GRK5: variants seen among roughly 807,000 people sequenced by gnomAD.
GRK5 encodes the protein g protein-coupled receptor kinase GRK5.
A neutral mutation model predicts 78.4 loss-of-function variants in GRK5; 40 were observed. That is an observed-to-expected ratio of 0.51 (90% CI 0.40 to 0.66). The LOEUF is 0.66. Ranked by LOEUF, GRK5 falls within the 30% of genes least tolerant of loss-of-function variation. The pLI, the probability that GRK5 is intolerant of heterozygous loss-of-function variation, is 0.00. For synonymous variants in GRK5, 289 were observed against 296.8 expected, an observed-to-expected ratio of 0.97 and a Z score of 0.27; for missense variants, 598 against 759.9, an observed-to-expected ratio of 0.79 and a Z score of 2.50.
At chr10:119,343,011 C>T (rs577917261) in intron 2 of GRK5, among the ~76,000 whole-genome samples, 10 of 152,308 alleles carry the variant, frequency 6.6e-5, no homozygotes, top group Admixed American at 2.0e-4. Flanking sequence ...TCAGCTTTCA[C>T]CCTGGGCAAG....
intron 2 of GRK5, among the ~76,000 whole-genome samples, chr10:119,344,604 C>A (rs944679377): frequency 6.6e-6 from 1 of 152,204 alleles, no homozygotes; most frequent in African/African-American, 2.4e-5. Flanking sequence ...TGCTGTCTGT[C>A]CTCTCTTTCC....
In GRK5 at chr10:119,456,515, G is replaced by A. The variant is rs11198932; in HGVS notation, c.*1448G>A. 10,158 of 152,214 alleles carry A rather than the reference G, an allele frequency of 0.067. 574 individuals are homozygous for A. The highest frequency in any genetic ancestry group is 0.29 in the East Asian group (1,521 of 5,172). 9.4% of individuals were successfully genotyped at this position (152,214 alleles called of 1,614,324 possible). A position where few individuals can be genotyped will look rare whatever the true frequency, so the allele number is the denominator to read the frequency against. On this transcript the variant is annotated 3_prime_UTR_variant, in exon 16 of 16. Transcript: ENST00000392870. This position sits in a 1 kb window ranked among gnomAD's most constrained non-coding sequence, Gnocchi z 5.5. Reference sequence around the variant, plus strand: ...AGGGGCCAATCTGCTCCCACCTCCCGTCCAGGACAGGGTGAACATTTGACC... The same window carrying A: ...AGGGGCCAATCTGCTCCCACCTCCCATCCAGGACAGGGTGAACATTTGACC...
chr10:119,449,130 T>G (rs1405228293), intron 13 of GRK5, among the ~76,000 whole-genome samples: 4 of 152,230 alleles, frequency 2.6e-5, no homozygotes, highest in Non-Finnish European at 5.9e-5. Context: ...AGAGAGCTCA[T>G]GTGCACCTCT....
rs1855080348 is a variant in GRK5, at chr10:119,253,279, A to G, written c.52+45310A>G. Among the ~76,000 whole-genome samples, 1 of 152,192 alleles carries G rather than the reference A, an allele frequency of 6.6e-6. No homozygotes were observed. The highest frequency in any genetic ancestry group is 2.1e-4 in the South Asian group (1 of 4,834). Reference sequence around the variant, plus strand: ...AAGGACAAGCAAGGAAGATTGGAGCATCTGTGAACTATCTCCAGTTCAGCA... The same window carrying G: ...AAGGACAAGCAAGGAAGATTGGAGCGTCTGTGAACTATCTCCAGTTCAGCA... On this transcript the variant is annotated intron_variant, in intron 1 of 15. Transcript: ENST00000392870. This position sits in a 1 kb window ranked among gnomAD's most constrained non-coding sequence, Gnocchi z 5.7.
chr10:119,395,453 G>A (rs928078373), intron 3 of GRK5, among the ~76,000 whole-genome samples: 8 of 152,204 alleles, frequency 5.3e-5, no homozygotes, highest in Non-Finnish European at 5.9e-5. Context: ...ATGGTGGGAC[G>A]CCTGGGGAGG....
intron 4 of GRK5, among the ~76,000 whole-genome samples, chr10:119,418,134 C>T (rs1010380917): frequency 9.9e-5 from 15 of 152,204 alleles, no homozygotes; most frequent in African/African-American, 3.1e-4. Context: ...TGGCCCAGTG[C>T]GGCCCCAGGT....
At chr10:119,354,914 A>G (rs145360967) in intron 2 of GRK5, among the ~76,000 whole-genome samples, 20 of 152,202 alleles carry the variant, frequency 1.3e-4, no homozygotes, top group African/African-American at 4.1e-4. Flanking sequence ...GAATGCATGG[A>G]TTTTGGTATC....
intron 3 of GRK5, among the ~76,000 whole-genome samples, chr10:119,395,826 G>A (rs1010614930): frequency 5.3e-5 from 8 of 152,056 alleles, no homozygotes; most frequent in African/African-American, 1.7e-4. Flanking sequence ...TTGGAGGTTC[G>A]AGTCCCAGCC....
intron 1 of GRK5, among the ~76,000 whole-genome samples, chr10:119,302,330 A>G (rs1042828656): frequency 1.3e-5 from 2 of 152,348 alleles, no homozygotes; most frequent in Admixed American, 6.5e-5. Flanking sequence ...ACAGGGTTAC[A>G]TCCTGCTTCC....
rs970004672 is a variant in GRK5 at position 119,264,637 on chromosome 10, C to T, written c.52+56668C>T. On this transcript the variant is annotated intron_variant, in intron 1 of 15. Coordinates refer to ENST00000392870, the MANE Select transcript of GRK5 (RefSeq NM_005308.3). The surrounding 1 kb of genome is among the most constrained non-coding windows in gnomAD (Gnocchi z 4.1). ...TTTTGTGTACACATCTGAAATTGAT[C>T]GTCATGGACAGGGGTTCACGTTCTG... 2.0e-5 allele frequency among the ~76,000 whole-genome samples: 3 copies of T among 152,154 alleles called. No homozygotes were observed. Among genetic ancestry groups the T allele is most frequent in the South Asian group, 2.1e-4 (1 of 4,822 alleles).
intron 12 of GRK5, 57 bp downstream of exon 12, chr10:119,443,809 T>C: frequency 2.8e-6 from 4 of 1,441,096 alleles, no homozygotes; most frequent in East Asian, 2.4e-5. Context: ...TCCCTGGGCC[T>C]GGCCCCAGTC....
At chr10:119,337,021 G>A (rs995682943) in intron 2 of GRK5, among the ~76,000 whole-genome samples, 5 of 152,186 alleles carry the variant, frequency 3.3e-5, no homozygotes, top group African/African-American at 1.2e-4. Context: ...TTCTTGTTTG[G>A]ACAGTCTTAG....
intron 4 of GRK5, among the ~76,000 whole-genome samples, chr10:119,410,348 C>T (rs1240080622): frequency 2.6e-5 from 4 of 152,184 alleles, no homozygotes; most frequent in Non-Finnish European, 5.9e-5. Flanking sequence ...AAGCGCACTT[C>T]TTCCTTATTT....
intron 1 of GRK5, among the ~76,000 whole-genome samples, chr10:119,273,922 T>A (rs1849625997): frequency 6.6e-6 from 1 of 152,146 alleles, no homozygotes; most frequent in East Asian, 1.9e-4. Flanking sequence ...TACAGGCACA[T>A]GCCACCACAC....
chr10:119,323,271 GTTCACCTAAATAATGGT>G (rs1166749505), intron 1 of GRK5, among the ~76,000 whole-genome samples: 1 of 152,224 alleles, frequency 6.6e-6, no homozygotes, highest in Non-Finnish European at 1.5e-5. Context: ...CAGCTGACTC[GTTCACCTAAATAATGGT>G]TAAACTGGTA....
chr10:119,453,142 C>T lies in GRK5; in HGVS notation c.1543-3C>T. ...CTGTGTTTTGTTTTCACGGCCCCTCCAGATGATAGAAACAGAATGCTTTAA... is the reference window on the plus strand; with the variant it reads ...CTGTGTTTTGTTTTCACGGCCCCTCTAGATGATAGAAACAGAATGCTTTAA... On this transcript the variant is annotated splice_polypyrimidine_tract_variant and splice_region_variant and intron_variant, in intron 14 of 15. Coordinates refer to ENST00000392870, the MANE Select transcript of GRK5 (RefSeq NM_005308.3). 6.6e-7 allele frequency: 1 copy of T among 1,523,840 alleles called. No homozygotes were observed. Among genetic ancestry groups the T allele is most frequent in the South Asian group, 1.1e-5 (1 of 89,338 alleles). The allele number at this position is 1,523,840 out of a possible 1,614,324, so 94.4% of individuals were successfully genotyped here.
chr10:119,305,909 C>T (rs1850265491), intron 1 of GRK5, among the ~76,000 whole-genome samples: 1 of 152,146 alleles, frequency 6.6e-6, no homozygotes, highest in South Asian at 2.1e-4. Context: ...TATGCAAAGG[C>T]CCTGAGGCAG....
intron 1 of GRK5, among the ~76,000 whole-genome samples, chr10:119,240,378 T>A (rs572387558): frequency 5.5e-4 from 84 of 151,798 alleles, no homozygotes; most frequent in South Asian, 3.3e-3. Context: ...TTTTTTTGTA[T>A]TTTTAGTAGA....
chr10:119,262,817 T>G (rs75437252), intron 1 of GRK5, among the ~76,000 whole-genome samples: 2,569 of 152,284 alleles, frequency 0.017, 39 homozygotes, highest in Non-Finnish European at 0.027. Flanking sequence ...TTTGTGATCT[T>G]TAGCAAGTAA....
Sources: allele counts gnomAD v4.1 joint callset (sites outside exome capture counted in the v4.1 genomes callset), GRCh38; gene constraint gnomAD v4.1.1; non-coding constraint Gnocchi (gnomAD v3.1); transcripts MANE v1.5; gene names NCBI Gene and HGNC (gene_info 2026-07-23, HGNC 2026-07-21).